Variants in BSPRY observed in about 807,000 individuals in gnomAD.
BSPRY encodes B box and SPRY domain-containing protein.
In BSPRY, 33 loss-of-function variants were observed where a neutral mutation model predicts 38.0. The ratio of observed to expected loss-of-function variants is 0.87; its 90% CI spans 0.66 to 1.16. BSPRY has a LOEUF of 1.16. BSPRY is among the 50% of genes most tolerant of loss of function. The probability of loss-of-function intolerance (pLI) is 0.00; values close to 1 mark genes in which losing one functional copy is unlikely to be tolerated. For synonymous variants in BSPRY, 224 were observed against 228.5 expected, an observed-to-expected ratio of 0.98 and a Z score of 0.18; for missense variants, 523 against 533.2, an observed-to-expected ratio of 0.98 and a Z score of 0.19.
chr9:113,364,631 G>A (rs562292515), intron 4 of BSPRY, among the ~76,000 whole-genome samples: 21 of 151,810 alleles, frequency 1.4e-4, no homozygotes, highest in African/African-American at 4.8e-4. Flanking sequence ...ATTCATTGTC[G>A]CTCGTTCTCT....
Position 113,369,679 on chromosome 9 carries a change from G to A in BSPRY, c.746G>A (p.Arg249Gln), listed in dbSNP as rs772449993. 6 of 1,614,162 alleles carry A rather than the reference G, an allele frequency of 3.7e-6. No individual in the cohort carries two copies. Among genetic ancestry groups the A allele is most frequent in the East Asian group, 2.2e-5 (1 of 44,882 alleles). ...VSPFLQLSDD[R>Q]KTLTFSTKKS... The stretch of plus-strand genomic sequence containing the variant: ...CCCTTCCTGCAATTGTCAGATGATC[G>A]AAAGACCCTGACCTTCAGCACCAAG... The change falls in exon 6 of 6, where the codon CGA (arginine) becomes CAA (glutamine). Residue 249 changes from arginine to glutamine, a missense_variant. Coordinates refer to ENST00000374183, the MANE Select transcript of BSPRY (RefSeq NM_017688.3).
chr9:113,349,561 A>G lies in BSPRY; in HGVS notation c.-19A>G, dbSNP rs1833931858. 1 of 1,134,540 alleles carries G rather than the reference A, an allele frequency of 8.8e-7. No individual in the cohort carries two copies. The highest frequency in any genetic ancestry group is 1.1e-6 in the Non-Finnish European group (1 of 926,650). The allele number at this position is 1,134,540 out of a possible 1,614,324, so 70.3% of individuals were successfully genotyped here. ...CCGCCACCTGCGACAGGTGGAGCGC[A>G]CGGGGCGGGCGCACGGCCATGTCCG... On this transcript the variant is annotated 5_prime_UTR_variant, in exon 1 of 6. Coordinates refer to ENST00000374183, the MANE Select transcript of BSPRY (RefSeq NM_017688.3).
chr9:113,362,344 T>C lies in BSPRY; in HGVS notation c.532-25T>C, dbSNP rs1480719806. The C allele has an allele frequency of 3.7e-6, 6 of 1,613,982 alleles. No homozygotes were observed. In the African/African-American group the frequency reaches 8.0e-5, roughly 22 times the overall value. ...CCCTGCTGGGTATCTGGTGCCAAGCTTGACTTTGTTTTCTTTTCTCACAGC... is the reference window on the plus strand; with the variant it reads ...CCCTGCTGGGTATCTGGTGCCAAGCCTGACTTTGTTTTCTTTTCTCACAGC... On this transcript the variant is annotated intron_variant, in intron 3 of 5. Transcript: ENST00000374183.
chr9:113,352,781 G>A (rs1009930047), intron 1 of BSPRY, among the ~76,000 whole-genome samples: 3 of 152,096 alleles, frequency 2.0e-5, no homozygotes, highest in African/African-American at 7.2e-5. Context: ...GGGGGTGCAG[G>A]GTACCCAGTT....
intron 4 of BSPRY, among the ~76,000 whole-genome samples, chr9:113,364,950 T>C (rs868494223): frequency 1.0e-3 from 81 of 78,918 alleles, no homozygotes; most frequent in South Asian, 8.5e-3. Context: ...TTAGCTTGTT[T>C]TTTTTTTTTT....
chr9:113,369,494 G>C (rs1000283965), intron 5 of BSPRY, 122 bp from the exon 6 acceptor site: 2 of 1,003,852 alleles, frequency 2.0e-6, no homozygotes, highest in Admixed American at 2.3e-5. Context: ...AAGGCTCAGA[G>C]AGAGTAAATG....
In BSPRY at chr9:113,369,607, T is replaced by A; in HGVS notation, c.683-9T>A. The A allele has an allele frequency of 6.3e-7, 1 of 1,593,476 alleles. No individual in the cohort carries two copies. The highest frequency in any genetic ancestry group is 1.1e-5 in the South Asian group (1 of 88,518). ...GGCCCTCGGCAACTCTGAGAATTCT[T>A]TCTGGCAGGCACAGAGGACATACGG... is the stretch of plus-strand genomic sequence containing the variant. On this transcript the variant is annotated splice_polypyrimidine_tract_variant and intron_variant, in intron 5 of 5. Transcript: ENST00000374183.
intron 4 of BSPRY, among the ~76,000 whole-genome samples, chr9:113,367,404 A>T (rs1029622284): frequency 2.0e-5 from 3 of 152,152 alleles, no homozygotes; most frequent in African/African-American, 7.2e-5. Flanking sequence ...GCCATGATTC[A>T]TTTGTGGCTG....
In BSPRY at chr9:113,360,658, C is replaced by T; in HGVS notation, c.452C>T (p.Ala151Val). 1 of 1,608,412 alleles carries T rather than the reference C, an allele frequency of 6.2e-7. No homozygotes were observed. The change falls in exon 3 of 6, where the codon GCC (alanine) becomes GTC (valine). Residue 151 changes from alanine (A) to valine (V), a missense_variant. Ala to Val is a moderately conservative substitution (Grantham distance 64). Transcript: ENST00000374183. Reference protein sequence around the residue: ...QSILTQRVHWAEALQKLDTIR... With the variant: ...QSILTQRVHWVEALQKLDTIR... ...ATCCTGACACAGCGGGTGCACTGGG[C>T]CGAGGCGCTGCAGAAACTTGACACC...
At chr9:113,350,551 G>A (rs1833955791) in intron 1 of BSPRY, among the ~76,000 whole-genome samples, 1 of 152,080 alleles carries the variant, frequency 6.6e-6, no homozygotes, top group Non-Finnish European at 1.5e-5. Context: ...GATTGGGAGA[G>A]TCGAAGTCAC....
At chr9:113,360,422 C>G in intron 2 of BSPRY, 85 bp from the exon 3 acceptor site, 5 of 1,283,792 alleles carry the variant, frequency 3.9e-6, no homozygotes, top group South Asian at 1.3e-5. Flanking sequence ...AATCTCAACA[C>G]TCCTTTCCAC....
chr9:113,368,402 C>T lies in BSPRY; in HGVS notation c.682+19C>T, dbSNP rs1316973319. The T allele has an allele frequency of 5.0e-6, 8 of 1,611,874 alleles. No homozygotes were observed. Among genetic ancestry groups the T allele is most frequent in the Admixed American group, 1.7e-5 (1 of 59,524 alleles). ...CTCTCAGGTTAGGAGCAGTAGAGCCCAGGACCATTAGGACAACTGGGCTTC... is the reference window on the plus strand; with the variant it reads ...CTCTCAGGTTAGGAGCAGTAGAGCCTAGGACCATTAGGACAACTGGGCTTC... On this transcript the variant is annotated intron_variant, in intron 5 of 5. Transcript: ENST00000374183.
At chr9:113,355,868 G>A (rs1009893899) in intron 2 of BSPRY, among the ~76,000 whole-genome samples, 1 of 151,896 alleles carries the variant, frequency 6.6e-6, no homozygotes, top group Admixed American at 6.6e-5. Context: ...TGCCCACCTC[G>A]GCCTCCCAAA....
chr9:113,363,477 C>T (rs1279477563), intron 4 of BSPRY, among the ~76,000 whole-genome samples: 2 of 152,030 alleles, frequency 1.3e-5, no homozygotes, highest in South Asian at 2.1e-4. Flanking sequence ...AATGAGTCTG[C>T]ATTACCCTTT....
chr9:113,369,820 G>T lies in BSPRY; in HGVS notation c.887G>T (p.Cys296Phe), dbSNP rs756071553. 6.2e-7 allele frequency: 1 copy of T among 1,614,242 alleles called. No individual in the cohort carries two copies. The highest frequency in any genetic ancestry group is 2.2e-5 in the East Asian group (1 of 44,878). The change falls in exon 6 of 6, where the codon TGT becomes TTT. Residue 296 changes from cysteine (C) to phenylalanine (F), a missense_variant. Coordinates refer to ENST00000374183, the MANE Select transcript of BSPRY (RefSeq NM_017688.3). ...HAWMVNVQNS[C>F]AYKVGVASGH... ...TGGATGGTGAATGTCCAGAACAGTT[G>T]TGCCTATAAGGTGGGCGTGGCTTCA...
intron 1 of BSPRY, among the ~76,000 whole-genome samples, chr9:113,351,222 T>G (rs773079014): frequency 2.0e-5 from 3 of 152,090 alleles, no homozygotes; most frequent in Non-Finnish European, 4.4e-5. Context: ...GAACCTTCTT[T>G]GAACCCCTCT....
At chr9:113,355,672 T>C (rs937601273) in intron 2 of BSPRY, among the ~76,000 whole-genome samples, 28 of 151,592 alleles carry the variant, frequency 1.8e-4, no homozygotes, top group African/African-American at 6.8e-4. Context: ...TGGAGTGCAA[T>C]GGCGCGATCT....
At chr9:113,369,363 T>A (rs1834302349) in intron 5 of BSPRY, among the ~76,000 whole-genome samples, 1 of 152,230 alleles carries the variant, frequency 6.6e-6, no homozygotes, top group African/African-American at 2.4e-5. Context: ...TGATAGTAAC[T>A]ATTGTTATGA....
At position 113,354,202 on chromosome 9, in the gene BSPRY, C is replaced by T. The variant is rs753073711; in HGVS notation, c.202-38C>T. On this transcript the variant is annotated intron_variant, in intron 1 of 5. Coordinates refer to ENST00000374183, the MANE Select transcript of BSPRY (RefSeq NM_017688.3). ...TGGGATGGAGTGAATGGCTCAGGTA[C>T]ATGGACCAAGATGCCACAAGCGTTG... 2.6e-5 allele frequency: 41 copies of T among 1,561,624 alleles called. No individual in the cohort carries two copies. In the South Asian group the frequency reaches 3.0e-4, roughly 11 times the overall value.
Sources: gnomAD v4.1 joint callset for allele counts (sites outside exome capture counted in the v4.1 genomes callset) on GRCh38, gnomAD v4.1.1 for gene constraint, MANE v1.5 for transcripts, NCBI Gene and HGNC (gene_info 2026-07-23, HGNC 2026-07-21) for gene names.